FILIP1: variants seen among roughly 807,000 people sequenced by gnomAD.
FILIP1 encodes the protein filamin-A-interacting protein 1.
FILIP1 carries 61 observed loss-of-function variants against 102.1 expected under a neutral mutation model. That is an observed-to-expected ratio of 0.60 (90% confidence interval 0.49 to 0.74). The LOEUF (loss-of-function observed/expected upper bound fraction) is 0.74, where lower values mean the gene tolerates loss of function less well. Ranked by LOEUF, FILIP1 falls within the 30% of genes least tolerant of loss-of-function variation. The pLI is 0.00. For missense variants in FILIP1, 1,314 were observed against 1,441.2 expected, an observed-to-expected ratio of 0.91 and a Z score of 1.43; for synonymous variants, 491 against 526.9, an observed-to-expected ratio of 0.93 and a Z score of 0.93.
At position 75,371,629 on chromosome 6, in the gene FILIP1, G is replaced by A. The variant is rs372851812; in HGVS notation, c.277-8712C>T. Among the ~76,000 whole-genome samples the A allele has an allele frequency of 2.0e-4, 31 of 152,144 alleles. No homozygotes were observed. In the South Asian group the frequency reaches 5.8e-3, roughly 29 times the overall value. ...GGTACTGTCATAAAGACAGACATAC[G>A]ATCAATGGAATGGAATAGAGAGCCC... On this transcript the variant is annotated intron_variant, in intron 2 of 5. Transcript: ENST00000237172.
chr6:75,395,776 C>CA (rs1251514990), intron 2 of FILIP1, among the ~76,000 whole-genome samples: 1 of 152,072 alleles, frequency 6.6e-6, no homozygotes, highest in Admixed American at 6.6e-5. Flanking sequence ...GACACTTTAT[C>CA]AAAAAATAAA....
chr6:75,383,052 A>G (rs1300756938), intron 2 of FILIP1, among the ~76,000 whole-genome samples: 2 of 152,178 alleles, frequency 1.3e-5, no homozygotes, highest in Admixed American at 6.6e-5. Flanking sequence ...GTTACTCTCC[A>G]TTCTGCTGGG....
intron 3 of FILIP1, among the ~76,000 whole-genome samples, chr6:75,355,456 C>T (rs1185209418): frequency 6.7e-6 from 1 of 148,796 alleles, no homozygotes; most frequent in Non-Finnish European, 1.5e-5. Flanking sequence ...TGCAGTGGCA[C>T]GACCACGACC....
At chr6:75,369,705 A>G (rs1257772731) in intron 2 of FILIP1, among the ~76,000 whole-genome samples, 1 of 152,222 alleles carries the variant, frequency 6.6e-6, no homozygotes, top group African/African-American at 2.4e-5. Flanking sequence ...GGAGATAAAC[A>G]TGGTGCATCT....
intron 2 of FILIP1, among the ~76,000 whole-genome samples, chr6:75,392,091 C>T (rs1776296553): frequency 6.6e-6 from 1 of 152,190 alleles, no homozygotes; most frequent in Non-Finnish European, 1.5e-5. Flanking sequence ...AGATGCCCTA[C>T]TTGCTGATTT....
chr6:75,363,057 T>A, intron 2 of FILIP1, 140 bp from the exon 3 acceptor site: 1 of 386,660 alleles, frequency 2.6e-6, no homozygotes, highest in Non-Finnish European at 4.2e-6. Flanking sequence ...TCTGCTCTAA[T>A]TTTTTTTTTT....
intron 5 of FILIP1, among the ~76,000 whole-genome samples, chr6:75,309,914 C>T (rs1287859822): frequency 6.6e-6 from 1 of 152,192 alleles, no homozygotes; most frequent in African/African-American, 2.4e-5. Context: ...CCAAGTTATC[C>T]TTTAAACTGT....
chr6:75,390,364 C>A (rs550711784), intron 2 of FILIP1, among the ~76,000 whole-genome samples: 1 of 152,262 alleles, frequency 6.6e-6, no homozygotes, highest in Middle Eastern at 3.4e-3. Context: ...TCCATTCTTG[C>A]ATTTCTATTA....
chr6:75,313,803 G>C lies in FILIP1; in HGVS notation c.2029C>G (p.Leu677Val), dbSNP rs1316207648. ...TTGATCTCCTCTAGTTGTTGAGAGA[G>C]GAAGTTAGCCTTATCCTGCTCAGTT... ...FRTEQDKANF[L>V]SQQLEEIKHQ... is the part of the protein sequence containing the mutation. The change falls in exon 5 of 6, where the codon CTC (leucine) becomes GTC (valine). Residue 677 changes from leucine (L) to valine (V), a missense_variant. Physicochemically the swap from Leu to Val is conservative, Grantham distance 32 (BLOSUM62 1). Around this residue, in one of 3 missense-constraint regions of FILIP1, gnomAD observed 816 missense variants for 913.1 expected, o/e 0.89. Transcript: ENST00000237172. This position sits in a 1 kb window ranked among gnomAD's most constrained non-coding sequence, Gnocchi z 4.2. 6 of 1,610,280 alleles carry C rather than the reference G, an allele frequency of 3.7e-6. No individual in the cohort carries two copies. Among genetic ancestry groups the C allele is most frequent in the Admixed American group, 3.4e-5 (2 of 59,024 alleles).
chr6:75,453,396 G>A (rs1202537421), intron 1 of FILIP1, among the ~76,000 whole-genome samples: 2 of 152,182 alleles, frequency 1.3e-5, no homozygotes, highest in African/African-American at 2.4e-5. Flanking sequence ...CTAAGGGTTG[G>A]ATAATATTTA....
At chr6:75,338,169 C>T (rs186676065) in intron 4 of FILIP1, among the ~76,000 whole-genome samples, 22 of 152,128 alleles carry the variant, frequency 1.4e-4, no homozygotes, top group Non-Finnish European at 3.2e-4. Context: ...TTTTTAAAAT[C>T]CTTAAGTCAC....
chr6:75,463,339 T>C (rs1375779322), intron 1 of FILIP1, among the ~76,000 whole-genome samples: 1 of 152,264 alleles, frequency 6.6e-6, no homozygotes, highest in Non-Finnish European at 1.5e-5. Flanking sequence ...AGCCATTGAA[T>C]TATCTTGTTC....
At chr6:75,390,424 T>G (rs1332921479) in intron 2 of FILIP1, among the ~76,000 whole-genome samples, 1 of 152,166 alleles carries the variant, frequency 6.6e-6, no homozygotes, top group East Asian at 1.9e-4. Flanking sequence ...AGAGGTTTAA[T>G]TGGCTCATGG....
At chr6:75,366,771 G>A (rs2951947) in intron 2 of FILIP1, among the ~76,000 whole-genome samples, 112,309 of 152,080 alleles carry the variant, frequency 0.74, 41,978 homozygotes, top group African/African-American at 0.86. Flanking sequence ...CAAATATAAC[G>A]TGTAAAACTG....
At chr6:75,428,925 T>C (rs1490054730) in intron 1 of FILIP1, among the ~76,000 whole-genome samples, 1 of 149,872 alleles carries the variant, frequency 6.7e-6, no homozygotes, top group African/African-American at 2.5e-5. Context: ...TAGTCCTGCA[T>C]AGCTACATTT....
chr6:75,481,770 CA>C (rs1454020023), intron 1 of FILIP1, among the ~76,000 whole-genome samples: 1 of 152,146 alleles, frequency 6.6e-6, no homozygotes, highest in Non-Finnish European at 1.5e-5. Context: ...TTAAGATGAG[CA>C]GACTGAGTGG....
At chr6:75,351,000 C>T (rs1270621488) in intron 4 of FILIP1, among the ~76,000 whole-genome samples, 2 of 152,124 alleles carry the variant, frequency 1.3e-5, no homozygotes, top group Non-Finnish European at 2.9e-5. Context: ...ACACTTCTGT[C>T]AACAAGGGAC....
At chr6:75,371,717 G>A (rs1775524946) in intron 2 of FILIP1, among the ~76,000 whole-genome samples, 1 of 152,162 alleles carries the variant, frequency 6.6e-6, no homozygotes, top group South Asian at 2.1e-4. Flanking sequence ...TCTCTCAGTG[G>A]GGAAAGGAGA....
Position 75,308,648 on chromosome 6 carries a change from G to T in FILIP1, c.*43C>A. On this transcript the variant is annotated 3_prime_UTR_variant, in exon 6 of 6. Transcript: ENST00000237172. ...AAACAGATGAAGGTTCACTTTCACG[G>T]CAGCAGTAGCATCTGCACAACATAC... The T allele has an allele frequency of 1.2e-6, 2 of 1,605,148 alleles. No individual in the cohort carries two copies.
Sources: gnomAD v4.1 joint callset for allele counts (sites outside exome capture counted in the v4.1 genomes callset) on GRCh38, gnomAD v4.1.1 for gene constraint, gnomAD v4.1.1 regional missense constraint, Gnocchi (gnomAD v3.1) non-coding constraint, MANE v1.5 for transcripts, NCBI Gene and HGNC (gene_info 2026-07-23, HGNC 2026-07-21) for gene names.